DNAH5: variants seen among roughly 807,000 people sequenced by gnomAD.
The protein encoded by DNAH5 is dynein axonemal heavy chain 5, also known as axonemal beta dynein heavy chain 5.
In DNAH5, 372 loss-of-function variants were observed where a neutral mutation model predicts 518.2. The observed-to-expected ratio is 0.72, with a 90% CI of 0.66 to 0.78. The LOEUF (loss-of-function observed/expected upper bound fraction) is 0.78. DNAH5 is among the 30% of genes least tolerant of loss of function. The pLI is 0.00. For missense variants in DNAH5, 5,523 were observed against 5,687.0 expected, an observed-to-expected ratio of 0.97 and a Z score of 0.93; for synonymous variants, 2,039 against 2,025.9, an observed-to-expected ratio of 1.01 and a Z score of -0.17.
intron 74 of DNAH5, among the ~76,000 whole-genome samples, chr5:13,714,996 T>C (rs1744102659): frequency 6.6e-6 from 1 of 152,216 alleles, no homozygotes; most frequent in Non-Finnish European, 1.5e-5. Context: ...ATGGTTATTA[T>C]GTTTAGAAGA....
At chr5:13,944,259 T>G (rs1581001037) in intron 1 of DNAH5, 123 bp downstream of exon 1, 2 of 952,388 alleles carry the variant, frequency 2.1e-6, no homozygotes, top group East Asian at 2.5e-5. Flanking sequence ...AGTTAAAAAA[T>G]GTGTTTCTCG....
intron 68 of DNAH5, among the ~76,000 whole-genome samples, chr5:13,732,186 A>ATCACAT (rs1746676153): frequency 6.6e-6 from 1 of 152,040 alleles, no homozygotes; most frequent in Non-Finnish European, 1.5e-5. Flanking sequence ...ACAACAGAAT[A>ATCACAT]TCACATTCTA....
At chr5:14,005,629 G>A (rs1784674233) in intron 1 of DNAH5, among the ~76,000 whole-genome samples, 1 of 152,202 alleles carries the variant, frequency 6.6e-6, no homozygotes. Flanking sequence ...AGTCATCGTT[G>A]CACAATCGAT....
Position 13,958,262 on chromosome 5 carries a change from T to C in DNAH5, c.13-27018A>G, listed in dbSNP as rs1435144230. 5.3e-5 allele frequency among the ~76,000 whole-genome samples: 8 copies of C among 152,266 alleles called. No homozygotes were observed. In the East Asian group the frequency reaches 1.5e-3, roughly 29 times the overall value. On this transcript the variant is annotated intron_variant, in intron 1 of 78. Transcript: ENST00000681290. Reference sequence around the variant, plus strand: ...CTCTCCAAAATTATACTCTTTGATTTCCATGAGAAATTTAATGTAATTTTG... The same window carrying C: ...CTCTCCAAAATTATACTCTTTGATTCCCATGAGAAATTTAATGTAATTTTG...
At chr5:13,943,569 T>C (rs73747998) in intron 1 of DNAH5, among the ~76,000 whole-genome samples, 1,791 of 152,274 alleles carry the variant, frequency 0.012, 32 homozygotes, top group African/African-American at 0.04. Context: ...GGGGCTTGGC[T>C]GCAAGACGTT....
chr5:13,905,818 C>T (rs766640157), intron 12 of DNAH5, among the ~76,000 whole-genome samples: 1 of 152,194 alleles, frequency 6.6e-6, no homozygotes, highest in Non-Finnish European at 1.5e-5. Context: ...GAAAAATCTA[C>T]ACACCGATGT....
At chr5:13,750,636 A>G (rs1006052452) in intron 65 of DNAH5, among the ~76,000 whole-genome samples, 4 of 152,208 alleles carry the variant, frequency 2.6e-5, no homozygotes, top group Non-Finnish European at 5.9e-5. Context: ...GTTGTTTGTT[A>G]TGAGTACAAA....
chr5:13,879,609 G>A (rs988400607), intron 21 of DNAH5, among the ~76,000 whole-genome samples: 1 of 151,712 alleles, frequency 6.6e-6, no homozygotes, highest in African/African-American at 2.4e-5. Flanking sequence ...AAGACAGAAA[G>A]TATAAAAAAG....
Position 13,882,976 on chromosome 5 carries a change from C to T in DNAH5, c.3102G>A (p.Leu1034=), listed in dbSNP as rs1355032626. 6.2e-7 allele frequency: 1 copy of T among 1,614,142 alleles called. No homozygotes were observed. Among genetic ancestry groups the T allele is most frequent in the Non-Finnish European group, 8.5e-7 (1 of 1,180,014 alleles). Residue 1034 remains leucine (L), a synonymous_variant, in exon 20 of 79, where the codon CTG becomes CTA. Transcript: ENST00000265104. ...APALEDVQQT[L]NKAVECIISV... ...TGATGATGCACTCCACGGCTTTGTT[C>T]AGGGTCTGCTGTACATCTTCCAGGG...
rs144297918 is a variant in DNAH5 at position 13,953,950 on chromosome 5, C to T, written c.13-22706G>A. 6.2e-3 allele frequency among the ~76,000 whole-genome samples: 950 copies of T among 152,216 alleles called. 14 individuals are homozygous for T. Among genetic ancestry groups the T allele is most frequent in the African/African-American group, 0.022 (920 of 41,524 alleles). ...CTTGAACTCCTGACCTCATGTGATC[C>T]ACCCACCTCGGCCTCCCAAAGTGCT... On this transcript the variant is annotated intron_variant, in intron 1 of 78. Coordinates refer to the DNAH5 transcript ENST00000681290.
intron 77 of DNAH5, 114 bp from the exon 78 acceptor site, chr5:13,700,985 A>G: frequency 3.5e-6 from 4 of 1,131,656 alleles, no homozygotes; most frequent in Non-Finnish European, 2.6e-6. Context: ...GACGTACAAT[A>G]GTATTTAAAG....
At chr5:13,878,102 A>C (rs146578575) in intron 21 of DNAH5, among the ~76,000 whole-genome samples, 1 of 152,282 alleles carries the variant, frequency 6.6e-6, no homozygotes, top group African/African-American at 2.4e-5. Context: ...GCACACAAGC[A>C]CTTCAACAGG....
chr5:13,850,622 C>G (rs795527), intron 31 of DNAH5, 30 bp downstream of exon 31: 33 of 1,602,310 alleles, frequency 2.1e-5, no homozygotes, highest in Non-Finnish European at 2.8e-5. Context: ...TCAAGGATAC[C>G]GAGAGCTTTC....
Position 13,721,183 on chromosome 5 carries a change from C to T in DNAH5, c.12096G>A (p.Leu4032=). Residue 4032 remains leucine, a synonymous_variant, in exon 71 of 79, where the codon TTG becomes TTA. Transcript: ENST00000265104. ...EKYAEGVILD[L]EKTWEESDPR... ...GATCAGATTCCTCCCACGTCTTCTC[C>T]AAGTCTAAAATAACACCTTCGGCAT... 1 of 1,614,124 alleles carries T rather than the reference C, an allele frequency of 6.2e-7. No homozygotes were observed. Among genetic ancestry groups the T allele is most frequent in the Non-Finnish European group, 8.5e-7 (1 of 1,180,002 alleles).
intron 70 of DNAH5, among the ~76,000 whole-genome samples, chr5:13,724,265 T>C (rs1338579661): frequency 6.6e-6 from 1 of 152,188 alleles, no homozygotes; most frequent in Non-Finnish European, 1.5e-5. Flanking sequence ...CAAAGGAAAT[T>C]ATTTTGGAGA....
Position 13,844,432 on chromosome 5 carries a change from T to TA in DNAH5, c.5271+404dup, listed in dbSNP as rs754011588. ...CATGATTCTGTACACATGGAAGTGT[T>TA]AAAAAAACAAAAAAAGTTTGAATAA... On this transcript the variant is annotated intron_variant, in intron 32 of 78. Coordinates refer to ENST00000265104, the MANE Select transcript of DNAH5 (RefSeq NM_001369.3). 1.5e-3 allele frequency among the ~76,000 whole-genome samples: 223 copies of TA among 152,154 alleles called. 1 individual carries two copies. Among genetic ancestry groups the TA allele is most frequent in the Non-Finnish European group, 2.7e-3 (183 of 67,972 alleles).
rs1306825879 is a variant in DNAH5 at position 13,768,874 on chromosome 5, G to C, written c.9897+86C>G. ...TAGAGCTTTCATCTGAACCAGTAGA[G>C]CATTTCCTTGCTGTTATTCATCTTT... is the stretch of plus-strand genomic sequence containing the variant. On this transcript the variant is annotated intron_variant, in intron 58 of 78. Coordinates refer to ENST00000265104, the MANE Select transcript of DNAH5 (RefSeq NM_001369.3). The C allele has an allele frequency of 3.5e-6, 5 of 1,426,656 alleles. No homozygotes were observed. The East Asian group carries it at 9.1e-5, about 26-fold the overall frequency. The allele number at this position is 1,426,656 out of a possible 1,614,324, so 88.4% of individuals were successfully genotyped here.
At chr5:13,895,480 T>G (rs1773784769) in intron 15 of DNAH5, among the ~76,000 whole-genome samples, 1 of 152,212 alleles carries the variant, frequency 6.6e-6, no homozygotes, top group Non-Finnish European at 1.5e-5. Context: ...TTGTTCCTCT[T>G]TGTACACTGA....
At chr5:13,990,325 G>T (rs1041744350) in intron 1 of DNAH5, among the ~76,000 whole-genome samples, 1 of 151,928 alleles carries the variant, frequency 6.6e-6, no homozygotes, top group Admixed American at 6.6e-5. Flanking sequence ...GGCCGAGGCG[G>T]GTGGTTCACG....
Sources: gnomAD v4.1 joint callset for allele counts (sites outside exome capture counted in the v4.1 genomes callset) on GRCh38, gnomAD v4.1.1 for gene constraint, MANE v1.5 for transcripts, NCBI Gene and HGNC (gene_info 2026-07-23, HGNC 2026-07-21) for gene names.